NRXN3: variants seen among roughly 807,000 people sequenced by gnomAD.
NRXN3 encodes neurexin III.
NRXN3 carries 32 observed loss-of-function variants against 137.6 expected under a neutral mutation model. That is an observed-to-expected ratio of 0.23 (90% CI 0.18 to 0.31). NRXN3 has a LOEUF of 0.31. Among genes scored for constraint, NRXN3 ranks in the 10% least tolerant of loss-of-function variants. NRXN3 has a pLI of 1.00. For synonymous variants in NRXN3, 798 were observed against 784.5 expected (o/e 1.02, Z -0.29); for missense variants, 1,574 against 2,062.5 (o/e 0.76, Z 4.59).
chr14:78,801,140 T>C (rs1158101182), intron 8 of NRXN3, among the ~76,000 whole-genome samples: 1 of 152,078 alleles, frequency 6.6e-6, no homozygotes, highest in Non-Finnish European at 1.5e-5. Context: ...GCTAACACGA[T>C]GAAACCCTAT....
At chr14:79,685,916 A>G (rs2098692760) in intron 17 of NRXN3, among the ~76,000 whole-genome samples, 1 of 152,218 alleles carries the variant, frequency 6.6e-6, no homozygotes, top group South Asian at 2.1e-4. Flanking sequence ...GAATAGGGGC[A>G]TGAACATTCG....
At position 79,805,135 on chromosome 14, in the gene NRXN3, A is replaced by G. The variant is rs767213127; in HGVS notation, c.4038A>G (p.Ser1346=). ...SIQPTSDDLV[S]SAECSSDDED... ...AGCCAACATCAGATGATCTTGTTTC[A>G]TCTGCTGAATGTTCAAGTGATGATG... The change falls in exon 20 of 21, where the codon TCA becomes TCG. Residue 1346 remains serine, a synonymous_variant. Transcript: ENST00000335750. The G allele has an allele frequency of 1.2e-6, 2 of 1,613,166 alleles. 1 individual carries two copies. Among genetic ancestry groups the G allele is most frequent in the South Asian group, 2.2e-5 (2 of 90,984 alleles).
intron 10 of NRXN3, among the ~76,000 whole-genome samples, chr14:78,839,879 T>G (rs1174530415): frequency 1.3e-5 from 2 of 152,192 alleles, no homozygotes; most frequent in African/African-American, 4.8e-5. Flanking sequence ...TATTTGAGTG[T>G]TTTTACACAT....
At position 79,178,200 on chromosome 14, in the gene NRXN3, A is replaced by C. The variant is rs930981007; in HGVS notation, c.3262+190059A>C. Among the ~76,000 whole-genome samples, 4 of 152,224 alleles carry C rather than the reference A, an allele frequency of 2.6e-5. No individual in the cohort carries two copies. In the South Asian group the frequency reaches 8.3e-4, roughly 31 times the overall value. On this transcript the variant is annotated intron_variant, in intron 15 of 20. Transcript: ENST00000335750. ...TGAGTTGCATTTGTCATACCCTCCC[A>C]GGTGATACTGATGCACACTTTGAGA... is the stretch of plus-strand genomic sequence containing the variant.
chr14:79,149,326 A>AT (rs556091046), intron 15 of NRXN3, among the ~76,000 whole-genome samples: 6,787 of 144,124 alleles, frequency 0.047, 538 homozygotes, highest in African/African-American at 0.16. Context: ...GGATAGGGGG[A>AT]TTTTTTTTTT....
chr14:79,729,954 A>G (rs1171765782), intron 19 of NRXN3, among the ~76,000 whole-genome samples: 1 of 152,132 alleles, frequency 6.6e-6, no homozygotes, highest in Non-Finnish European at 1.5e-5. Flanking sequence ...AAAGCAAATT[A>G]TTAGGCTTGG....
chr14:79,250,120 T>C (rs2075735392), intron 15 of NRXN3, among the ~76,000 whole-genome samples: 1 of 152,180 alleles, frequency 6.6e-6, no homozygotes, highest in Non-Finnish European at 1.5e-5. Flanking sequence ...AGAAATTTGT[T>C]TTATTTTAAA....
In NRXN3 at chr14:78,596,045, G is replaced by A. The variant is rs577321904; in HGVS notation, c.758-49075G>A. ...GATGAGGTTCTAAATGTTCTACGACGCACATGACAGTGCCACAGCAAAGAA... is the reference window on the plus strand; with the variant it reads ...GATGAGGTTCTAAATGTTCTACGACACACATGACAGTGCCACAGCAAAGAA... On this transcript the variant is annotated intron_variant, in intron 4 of 20. Coordinates refer to ENST00000335750, the MANE Select transcript of NRXN3 (RefSeq NM_001330195.2). 9.3e-4 allele frequency among the ~76,000 whole-genome samples: 141 copies of A among 152,168 alleles called. 1 individual carries two copies. The highest frequency in any genetic ancestry group is 3.3e-3 in the African/African-American group (136 of 41,522).
intron 16 of NRXN3, among the ~76,000 whole-genome samples, chr14:79,593,487 C>T (rs1281689540): frequency 2.0e-5 from 3 of 151,998 alleles, no homozygotes; most frequent in Admixed American, 6.5e-5. Flanking sequence ...AAAAATTAGC[C>T]GGGCGTGGTG....
chr14:78,569,831 A>G (rs542942657), intron 4 of NRXN3, among the ~76,000 whole-genome samples: 72 of 152,102 alleles, frequency 4.7e-4, no homozygotes, highest in African/African-American at 1.7e-3. Context: ...AAGTGTCCAG[A>G]ACTCCTAGAC....
chr14:79,631,718 A>G, intron 16 of NRXN3, among the ~76,000 whole-genome samples: 1 of 151,798 alleles, frequency 6.6e-6, no homozygotes, highest in South Asian at 2.1e-4. Context: ...ACACCCAATC[A>G]GCACTCTGTG....
intron 16 of NRXN3, among the ~76,000 whole-genome samples, chr14:79,624,191 C>T (rs1001604245): frequency 9.2e-5 from 14 of 152,248 alleles, no homozygotes; most frequent in South Asian, 4.1e-4. Context: ...TCAAAAGACA[C>T]CAAAGAGCCA....
At chr14:78,333,895 G>C (rs2081141439) in intron 4 of NRXN3, among the ~76,000 whole-genome samples, 1 of 152,182 alleles carries the variant, frequency 6.6e-6, no homozygotes, top group South Asian at 2.1e-4. Context: ...CCGTAATCCA[G>C]GTGAGAGATT....
At chr14:78,714,278 A>T (rs979291664) in intron 7 of NRXN3, among the ~76,000 whole-genome samples, 2 of 152,308 alleles carry the variant, frequency 1.3e-5, no homozygotes, top group East Asian at 3.9e-4. Flanking sequence ...ATTCTGTCTC[A>T]GTCACTCTTA....
At chr14:79,221,252 C>A (rs772863651) in intron 15 of NRXN3, among the ~76,000 whole-genome samples, 11 of 152,066 alleles carry the variant, frequency 7.2e-5, no homozygotes, top group African/African-American at 2.4e-4. Flanking sequence ...CATTTATTAT[C>A]CTTTGTGTAT....
chr14:78,472,761 T>G (rs1470301378), intron 4 of NRXN3, among the ~76,000 whole-genome samples: 1 of 152,160 alleles, frequency 6.6e-6, no homozygotes, highest in Non-Finnish European at 1.5e-5. Flanking sequence ...AGGGGCCTAT[T>G]TTAAGATAAA....
At chr14:79,504,960 A>G (rs1389932341) in intron 16 of NRXN3, among the ~76,000 whole-genome samples, 1 of 152,164 alleles carries the variant, frequency 6.6e-6, no homozygotes, top group Non-Finnish European at 1.5e-5. Context: ...CACACTTGTA[A>G]TCCCAGCACT....
At chr14:79,185,306 T>A (rs1233093625) in intron 15 of NRXN3, among the ~76,000 whole-genome samples, 4 of 152,192 alleles carry the variant, frequency 2.6e-5, no homozygotes, top group Admixed American at 6.5e-5. Flanking sequence ...CCTGGACACT[T>A]GCAGATTCAT....
At chr14:79,037,970 A>T (rs2099618882) in intron 15 of NRXN3, among the ~76,000 whole-genome samples, 1 of 152,082 alleles carries the variant, frequency 6.6e-6, no homozygotes, top group African/African-American at 2.4e-5. Context: ...TGAAAATATG[A>T]TTGGGTTTAA....
Sources: allele counts gnomAD v4.1 joint callset (sites outside exome capture counted in the v4.1 genomes callset), GRCh38; gene constraint gnomAD v4.1.1; transcripts MANE v1.5; gene names NCBI Gene and HGNC (gene_info 2026-07-23, HGNC 2026-07-21).